Variants in THRB observed in about 807,000 individuals in gnomAD.
THRB encodes the protein thyroid hormone receptor beta.
THRB carries 12 observed loss-of-function variants against 47.8 expected under a neutral mutation model. That is an observed-to-expected ratio of 0.25 (90% confidence interval 0.16 to 0.41). The LOEUF is 0.41. Among genes scored for constraint, THRB ranks in the 10% least tolerant of loss-of-function variants. The pLI is 1.00. For missense variants in THRB, 348 were observed against 589.2 expected (o/e 0.59, Z 4.24); for synonymous variants, 218 against 212.2 (o/e 1.03, Z -0.24).
In THRB at chr3:24,239,813, C is replaced by A. The variant is rs551605060; in HGVS notation, c.-42-10812G>T. Among the ~76,000 whole-genome samples, 25 of 152,204 alleles carry A rather than the reference C, an allele frequency of 1.6e-4. No individual in the cohort carries two copies. In the East Asian group the frequency reaches 4.6e-3, roughly 28 times the overall value. On this transcript the variant is annotated intron_variant, in intron 3 of 10. Coordinates refer to ENST00000646209, the MANE Select transcript of THRB (RefSeq NM_001354712.2). ...CCAGAATGTGTACAGTTAAACTATACCTGGGGACAGTCATGCTGTAACAGA... is the reference window on the plus strand; with the variant it reads ...CCAGAATGTGTACAGTTAAACTATAACTGGGGACAGTCATGCTGTAACAGA...
rs2036159338 is a variant in THRB, at chr3:24,146,826, T to C, written c.385-4A>G. The C allele has an allele frequency of 1.2e-6, 2 of 1,613,634 alleles. No individual in the cohort carries two copies. Among genetic ancestry groups the C allele is most frequent in the Non-Finnish European group, 1.7e-6 (2 of 1,179,562 alleles). The stretch of plus-strand genomic sequence containing the variant: ...GAATGGTTCTTCTAAAGAAACCCTA[T>C]ATGAAAAACAAAGACCCAAGACAAC... On this transcript the variant is annotated splice_region_variant and splice_polypyrimidine_tract_variant and intron_variant, in intron 6 of 10. Transcript: ENST00000646209.
rs147757563 is a variant in THRB at position 24,268,250 on chromosome 3, T to C, written c.-43+28976A>G. On this transcript the variant is annotated intron_variant, in intron 3 of 10. Transcript: ENST00000646209. ...AAAAAAACTGGAGAGTGAAATCCAG[T>C]AGTGAGCATCACCTATTTACCTATA... Among the ~76,000 whole-genome samples the C allele has an allele frequency of 3.1e-4, 47 of 152,256 alleles. No homozygotes were observed. In the East Asian group the frequency reaches 8.7e-3, roughly 28 times the overall value.
At chr3:24,136,412 AC>A in intron 8 of THRB, among the ~76,000 whole-genome samples, 1 of 152,166 alleles carries the variant, frequency 6.6e-6, no homozygotes, top group Non-Finnish European at 1.5e-5. Flanking sequence ...CCATGAATTG[AC>A]CCGAGTTATT....
chr3:24,186,893 C>T (rs760315166), intron 5 of THRB, among the ~76,000 whole-genome samples: 4 of 135,964 alleles, frequency 2.9e-5, no homozygotes, highest in Non-Finnish European at 3.1e-5. Context: ...TGCAGTGAGC[C>T]GAGATTGCGC....
chr3:24,345,649 G>T (rs2062964999), intron 1 of THRB, among the ~76,000 whole-genome samples: 1 of 152,076 alleles, frequency 6.6e-6, no homozygotes, highest in Admixed American at 6.5e-5. Flanking sequence ...AAGAAAGCAT[G>T]CTGTAAGTGT....
At chr3:24,377,292 C>G (rs985823391) in intron 1 of THRB, among the ~76,000 whole-genome samples, 20 of 152,084 alleles carry the variant, frequency 1.3e-4, no homozygotes, top group African/African-American at 4.8e-4. Flanking sequence ...AGCCAGGGCC[C>G]ATTCTTACTA....
At chr3:24,240,279 T>C (rs2049351563) in intron 3 of THRB, among the ~76,000 whole-genome samples, 1 of 151,870 alleles carries the variant, frequency 6.6e-6, no homozygotes, top group African/African-American at 2.4e-5. Context: ...AGACACAGAG[T>C]GAAGTCTTAG....
intron 3 of THRB, among the ~76,000 whole-genome samples, chr3:24,236,025 C>T (rs926115519): frequency 2.0e-5 from 3 of 152,158 alleles, no homozygotes; most frequent in African/African-American, 7.2e-5. Context: ...GGAAGCACAG[C>T]TGAATAAATG....
At chr3:24,398,969 A>G (rs1043143399) in intron 1 of THRB, among the ~76,000 whole-genome samples, 5 of 152,092 alleles carry the variant, frequency 3.3e-5, no homozygotes, top group Admixed American at 6.5e-5. Context: ...TCAGCAAACT[A>G]TCGCAAGGAC....
At chr3:24,312,033 G>A (rs1211400153) in intron 2 of THRB, among the ~76,000 whole-genome samples, 1 of 152,178 alleles carries the variant, frequency 6.6e-6, no homozygotes, top group African/African-American at 2.4e-5. Flanking sequence ...TTCCATGAAA[G>A]TGTCATGTTT....
chr3:24,234,320 G>T (rs2048648790), intron 3 of THRB, among the ~76,000 whole-genome samples: 1 of 152,138 alleles, frequency 6.6e-6, no homozygotes, highest in Non-Finnish European at 1.5e-5. Context: ...TTTGGCTATG[G>T]ACTTTGATCA....
intron 4 of THRB, among the ~76,000 whole-genome samples, chr3:24,221,068 AAC>A (rs147708016): frequency 0.033 from 5,068 of 152,334 alleles, 105 homozygotes; most frequent in South Asian, 0.085. Flanking sequence ...TCCTTTTTAC[AAC>A]ACAGCCAGAT....
chr3:24,355,363 A>G (rs564137998), intron 1 of THRB, among the ~76,000 whole-genome samples: 1 of 152,194 alleles, frequency 6.6e-6, no homozygotes, highest in South Asian at 2.1e-4. Flanking sequence ...GCCTAATGAG[A>G]CATGACGACC....
At chr3:24,334,523 A>T (rs2062117536) in intron 2 of THRB, among the ~76,000 whole-genome samples, 1 of 152,270 alleles carries the variant, frequency 6.6e-6, no homozygotes, top group Non-Finnish European at 1.5e-5. Context: ...AAAGAAAGGC[A>T]TCTTTGGGAT....
chr3:24,288,705 T>C (rs1357967112), intron 3 of THRB, among the ~76,000 whole-genome samples: 1 of 152,216 alleles, frequency 6.6e-6, no homozygotes, highest in Non-Finnish European at 1.5e-5. Context: ...ACTAAAGCAG[T>C]GTTTTTCAAA....
intron 2 of THRB, among the ~76,000 whole-genome samples, chr3:24,320,070 C>T (rs1377933069): frequency 4.6e-5 from 7 of 152,170 alleles, no homozygotes; most frequent in Admixed American, 4.6e-4. Flanking sequence ...TACTTTCAGT[C>T]AAGTCATTGC....
At chr3:24,258,793 C>T (rs1340684419) in intron 3 of THRB, among the ~76,000 whole-genome samples, 1 of 152,136 alleles carries the variant, frequency 6.6e-6, no homozygotes, top group Admixed American at 6.5e-5. Context: ...GTCATTGATA[C>T]ATACAGAGGC....
rs895162773 is a variant in THRB, at chr3:24,121,311, C to CA, written c.*1572dup. 1 of 152,600 alleles carries CA rather than the reference C, an allele frequency of 6.6e-6. No homozygotes were observed. Among genetic ancestry groups the CA allele is most frequent in the African/African-American group, 2.4e-5 (1 of 41,434 alleles). 9.5% of individuals were successfully genotyped at this position (152,600 alleles called of 1,614,324 possible). On this transcript the variant is annotated 3_prime_UTR_variant, in exon 11 of 11. Coordinates refer to ENST00000646209, the MANE Select transcript of THRB (RefSeq NM_001354712.2). ...GGCCAGTTATGCTCCACCAAACTTA[C>CA]AAAAAGCATCTACTTGGTTTCCATA... is the stretch of plus-strand genomic sequence containing the variant.
chr3:24,306,256 G>A (rs756056610), intron 2 of THRB, among the ~76,000 whole-genome samples: 10 of 152,156 alleles, frequency 6.6e-5, no homozygotes, highest in Non-Finnish European at 1.3e-4. Flanking sequence ...CAGCTCCCCC[G>A]AATCTAAATT....
Sources: gnomAD v4.1 joint callset for allele counts (sites outside exome capture counted in the v4.1 genomes callset) on GRCh38, gnomAD v4.1.1 for gene constraint, MANE v1.5 for transcripts, NCBI Gene and HGNC (gene_info 2026-07-23, HGNC 2026-07-21) for gene names.